The following RABGEF1 variants were observed in gnomAD, a reference collection of about 807,000 sequenced individuals.
RABGEF1 encodes rab5 GDP/GTP exchange factor.
Under a neutral mutation model 57.3 loss-of-function variants are expected in RABGEF1, and 26 were observed. The ratio of observed to expected loss-of-function variants is 0.45; its 90% CI spans 0.33 to 0.63. The LOEUF (loss-of-function observed/expected upper bound fraction) is 0.63, where lower values mean the gene tolerates loss of function less well. RABGEF1 is among the 20% of genes least tolerant of loss of function. RABGEF1 has a pLI of 0.02. For missense variants in RABGEF1, 464 were observed against 607.6 expected (o/e 0.76, Z 2.48); for synonymous variants, 185 against 210.7 (o/e 0.88, Z 1.06).
In RABGEF1 at chr7:66,772,095, A is replaced by C. The variant is rs200877189; in HGVS notation, c.179+17A>C. On this transcript the variant is annotated intron_variant, in intron 2 of 8. Coordinates refer to ENST00000284957, the MANE Select transcript of RABGEF1 (RefSeq NM_014504.3). ...GGCGGAGCGGTAAAAGGACTTAACT[A>C]GGGGCGGTTGAACAGTGACGTGACT... 1.5e-5 allele frequency: 22 copies of C among 1,470,574 alleles called. No individual in the cohort carries two copies. 91.1% of individuals were successfully genotyped at this position (1,470,574 alleles called of 1,614,324 possible).
upstream of RABGEF1, among the ~76,000 whole-genome samples, chr7:66,678,929 G>T (rs1280975376): frequency 6.6e-6 from 1 of 152,176 alleles, no homozygotes; most frequent in African/African-American, 2.4e-5. Context: ...TACTCACGTG[G>T]CATGATAAAG....
At chr7:66,756,126 A>G in intron 1 of RABGEF1, 1 of 1,182,882 alleles carries the variant, frequency 8.5e-7, no homozygotes, top group Non-Finnish European at 1.1e-6. Flanking sequence ...TCAAAAGAAA[A>G]TAGTAATGAC....
chr7:66,750,163 A>G (rs1461838056), intron 1 of RABGEF1, among the ~76,000 whole-genome samples: 1 of 152,246 alleles, frequency 6.6e-6, no homozygotes, highest in South Asian at 2.1e-4. Flanking sequence ...GAGAGTGTAG[A>G]TTTTATTTGT....
At chr7:66,676,213 G>A in the RABGEF1 span, among the ~76,000 whole-genome samples, 6 of 152,116 alleles carry the variant, frequency 3.9e-5, no homozygotes, top group East Asian at 9.6e-4. Flanking sequence ...AACCCAGGAG[G>A]CAGAGGTTGC....
the RABGEF1 span, among the ~76,000 whole-genome samples, chr7:66,657,003 A>T: frequency 6.6e-6 from 1 of 152,190 alleles, no homozygotes; most frequent in Admixed American, 6.5e-5. Context: ...GCATCAAAAC[A>T]TATGAAGTAA....
upstream of RABGEF1, among the ~76,000 whole-genome samples, chr7:66,736,764 G>C (rs552377210): frequency 7.6e-4 from 115 of 152,286 alleles, 2 homozygotes; most frequent in African/African-American, 2.5e-3. Flanking sequence ...AGGAAGCTGA[G>C]GTAGGAGAAT....
intron 1 of RABGEF1, among the ~76,000 whole-genome samples, chr7:66,697,748 C>T (rs1584738209): frequency 2.0e-5 from 3 of 152,190 alleles, no homozygotes; most frequent in South Asian, 2.1e-4. Context: ...TTGAAGTGGC[C>T]GCTAGGCTGG....
intron 2 of RABGEF1, among the ~76,000 whole-genome samples, chr7:66,774,323 T>C (rs541655454): frequency 5.6e-4 from 86 of 152,356 alleles, no homozygotes; most frequent in African/African-American, 2.0e-3. Flanking sequence ...CTTCAAGTTG[T>C]TCACACAGCT....
chr7:66,736,943 C>A (rs1798011042), upstream of RABGEF1, among the ~76,000 whole-genome samples: 2 of 152,062 alleles, frequency 1.3e-5, no homozygotes, highest in Non-Finnish European at 2.9e-5. Flanking sequence ...CAGACACACA[C>A]ACGTACACAC....
intron 1 of RABGEF1, among the ~76,000 whole-genome samples, chr7:66,766,710 C>CTTATTTAT (rs59017193): frequency 0.18 from 26,699 of 149,230 alleles, 2,657 homozygotes; most frequent in South Asian, 0.34. Context: ...ACTGTTACCT[C>CTTATTTAT]TTATTTATTT....
At chr7:66,693,829 A>G (rs1305048722) in intron 1 of RABGEF1, among the ~76,000 whole-genome samples, 1 of 144,918 alleles carries the variant, frequency 6.9e-6, no homozygotes, top group African/African-American at 2.6e-5. Flanking sequence ...TTTTTTTGAG[A>G]CAGGGTCTCA....
chr7:66,723,782 G>A (rs1444729366), intron 2 of RABGEF1, among the ~76,000 whole-genome samples: 1 of 137,100 alleles, frequency 7.3e-6, no homozygotes, highest in Non-Finnish European at 1.6e-5. Flanking sequence ...GTTTCACCAT[G>A]TTGGTCAGGC....
intron 4 of RABGEF1, among the ~76,000 whole-genome samples, chr7:66,793,937 G>A (rs533442835): frequency 6.6e-5 from 10 of 152,098 alleles, no homozygotes; most frequent in Non-Finnish European, 7.3e-5. Flanking sequence ...GTTTGTTCTC[G>A]GCCTTATTCA....
intron 1 of RABGEF1, among the ~76,000 whole-genome samples, chr7:66,769,723 A>G (rs2129105479): frequency 6.6e-6 from 1 of 152,320 alleles, no homozygotes; most frequent in South Asian, 2.1e-4. Context: ...CTTAAGATAG[A>G]GATCTTATCA....
intron 2 of RABGEF1, among the ~76,000 whole-genome samples, chr7:66,731,993 G>A (rs1225602193): frequency 6.6e-6 from 1 of 152,212 alleles, no homozygotes; most frequent in Non-Finnish European, 1.5e-5. Context: ...ATCTGGGGAG[G>A]AGATGGAAAA....
chr7:66,663,826 C>G, the RABGEF1 span, among the ~76,000 whole-genome samples: 4 of 152,094 alleles, frequency 2.6e-5, no homozygotes, highest in Admixed American at 2.6e-4. Context: ...GTAATCCCAG[C>G]ACTTTGGGAG....
At chr7:66,761,848 C>T (rs534285005) in intron 1 of RABGEF1, among the ~76,000 whole-genome samples, 6 of 152,070 alleles carry the variant, frequency 3.9e-5, no homozygotes, top group Non-Finnish European at 5.9e-5. Flanking sequence ...GTCAGGAGTT[C>T]GAGAGCAGCC....
chr7:66,728,160 G>A (rs189415333), intron 2 of RABGEF1, among the ~76,000 whole-genome samples: 3 of 152,334 alleles, frequency 2.0e-5, no homozygotes, highest in East Asian at 1.9e-4. Context: ...TGTGGCCAGG[G>A]CCTTGCTTTG....
intron 1 of RABGEF1, among the ~76,000 whole-genome samples, chr7:66,706,274 T>C (rs576289756): frequency 2.6e-4 from 40 of 152,272 alleles, no homozygotes; most frequent in African/African-American, 9.1e-4. Flanking sequence ...AAAACTGATA[T>C]GAACATTTTT....
Sources: allele counts gnomAD v4.1 joint callset (sites outside exome capture counted in the v4.1 genomes callset), GRCh38; gene constraint gnomAD v4.1.1; transcripts MANE v1.5; gene names NCBI Gene and HGNC (gene_info 2026-07-23, HGNC 2026-07-21).